Variants in TG observed in about 807,000 individuals in gnomAD.
TG encodes thyroglobulin, also known as thyroid hormones.
Under a neutral mutation model 324.7 loss-of-function variants are expected in TG, and 270 were observed. That is an observed-to-expected ratio of 0.83 (90% CI 0.75 to 0.92). The LOEUF (loss-of-function observed/expected upper bound fraction) is 0.92. TG is among the 40% of genes least tolerant of loss of function. The probability of loss-of-function intolerance (pLI) is 0.00; values close to 1 mark genes in which losing one functional copy is unlikely to be tolerated. For missense variants in TG, 3,591 were observed against 3,456.4 expected, an observed-to-expected ratio of 1.04 and a Z score of -0.98; for synonymous variants, 1,401 against 1,327.0, an observed-to-expected ratio of 1.06 and a Z score of -1.21.
rs565900008 is a variant in TG at position 132,949,300 on chromosome 8, C to T, written c.5401+357C>T. ...AGTTTCTCATCCTCCTCTGGAGGAA[C>T]GTACTCTTCTGTAGATGGCAGAAGC... On this transcript the variant is annotated intron_variant, in intron 27 of 47. Transcript: ENST00000220616. Among the ~76,000 whole-genome samples, 5 of 152,290 alleles carry T rather than the reference C, an allele frequency of 3.3e-5. No individual in the cohort carries two copies. The South Asian group carries it at 1.0e-3, about 32-fold the overall frequency.
At chr8:133,004,203 C>T (rs1483432744) in intron 35 of TG, among the ~76,000 whole-genome samples, 2 of 152,134 alleles carry the variant, frequency 1.3e-5, no homozygotes, top group Non-Finnish European at 2.9e-5. Flanking sequence ...TTAGGGCCTT[C>T]TGGTGAGCTA....
At chr8:133,004,758 A>T (rs1833876259) in intron 35 of TG, among the ~76,000 whole-genome samples, 1 of 152,050 alleles carries the variant, frequency 6.6e-6, no homozygotes, top group Admixed American at 6.5e-5. Context: ...ACCCTGGAGG[A>T]CCATAGGTGG....
At chr8:133,106,418 T>G (rs1356207694) in intron 43 of TG, 2 of 985,246 alleles carry the variant, frequency 2.0e-6, no homozygotes, top group Non-Finnish European at 2.4e-6. Context: ...AGGTCACATT[T>G]GCAAACCAGG....
intron 37 of TG, 191 bp from the exon 38 acceptor site, chr8:133,017,586 AT>A (rs529067906): frequency 1.2e-4 from 76 of 640,444 alleles, no homozygotes; most frequent in East Asian, 1.9e-4. Flanking sequence ...TGTTTTTGCC[AT>A]TTTTTTTGTT....
At chr8:133,098,987 C>T (rs1437854961) in intron 43 of TG, among the ~76,000 whole-genome samples, 1 of 152,206 alleles carries the variant, frequency 6.6e-6, no homozygotes, top group Non-Finnish European at 1.5e-5. Context: ...GGACTGGGAT[C>T]TCTACTCAAG....
In TG at chr8:133,017,947, G is replaced by C. The variant is rs1835192647; in HGVS notation, c.6732G>C (p.Gln2244His). ...CGCCCCTGGCAGAGAGGCGCTTCCA[G>C]GCACCAGAGCCCTTGAACTGGACAG... ...AAPPLAERRFQAPEPLNWTGS... is the reference protein window; with the variant it reads ...AAPPLAERRFHAPEPLNWTGS... The change falls in exon 38 of 48, where the codon CAG (glutamine) becomes CAC (histidine). Residue 2244 changes from glutamine to histidine, a missense_variant. Physicochemically the swap from Gln to His is conservative, Grantham distance 24. Transcript: ENST00000220616. The C allele has an allele frequency of 1.2e-6, 2 of 1,614,224 alleles. No individual in the cohort carries two copies. The highest frequency in any genetic ancestry group is 1.1e-5 in the South Asian group (1 of 91,084).
At chr8:133,001,735 A>G (rs1057322195) in intron 35 of TG, 1 of 985,340 alleles carries the variant, frequency 1.0e-6, no homozygotes, top group African/African-American at 1.7e-5. Context: ...ACAGGCCTCC[A>G]AGGCAGCTTC....
intron 18 of TG, among the ~76,000 whole-genome samples, chr8:132,910,547 A>G (rs1819366732): frequency 6.6e-6 from 1 of 152,046 alleles, no homozygotes; most frequent in Non-Finnish European, 1.5e-5. Flanking sequence ...GTGTTAGGTC[A>G]TGAGGGTGCA....
intron 20 of TG, among the ~76,000 whole-genome samples, chr8:132,917,890 T>A (rs1013498052): frequency 1.6e-3 from 13 of 7,906 alleles, no homozygotes; most frequent in African/African-American, 5.8e-3. Context: ...GTTTTTGCAA[T>A]TTTTTTTTTT....
rs16904797 is a variant in TG, at chr8:132,964,821, A to G, written c.5549-1739A>G. On this transcript the variant is annotated intron_variant, in intron 29 of 47. Transcript: ENST00000220616. ...GCATGACAGTGTGGCAAGGGATGCA[A>G]TGTGGACAGGTGTCGGTTGCAGTGA... 5,876 of 692,020 alleles carry G rather than the reference A, an allele frequency of 8.5e-3. 203 individuals are homozygous for G. The highest frequency in any genetic ancestry group is 0.081 in the African/African-American group (4,604 of 56,756). The allele number at this position is 692,020 out of a possible 1,614,324, so 42.9% of individuals were successfully genotyped here.
intron 41 of TG, chr8:133,060,033 C>A: frequency 6.8e-7 from 1 of 1,477,782 alleles, no homozygotes; most frequent in Non-Finnish European, 9.0e-7. Context: ...CATCCACCAC[C>A]GCCCAGTCTT....
At chr8:133,119,226 C>T (rs542728903) in intron 45 of TG, among the ~76,000 whole-genome samples, 6 of 152,166 alleles carry the variant, frequency 3.9e-5, no homozygotes, top group Non-Finnish European at 8.8e-5. Flanking sequence ...CTCATTTCCC[C>T]GGAGCACCCA....
intron 45 of TG, among the ~76,000 whole-genome samples, chr8:133,125,329 G>A (rs996750618): frequency 5.9e-5 from 9 of 152,322 alleles, no homozygotes; most frequent in East Asian, 1.9e-4. Flanking sequence ...GCCATGGTCA[G>A]TAATAAGAAA....
At position 132,886,333 on chromosome 8, in the gene TG, T is replaced by C. The variant is rs1169571719; in HGVS notation, c.1076-115T>C. The C allele has an allele frequency of 2.9e-6, 4 of 1,402,760 alleles. No individual in the cohort carries two copies. In the Admixed American group the frequency reaches 5.1e-5, roughly 18 times the overall value. 86.9% of individuals were successfully genotyped at this position (1,402,760 alleles called of 1,614,324 possible). ...ACAGAGAAGAAAGTGGTTTCAAACGTAGGTGTCCTTGATTGAATGTTCTGG... is the reference window on the plus strand; with the variant it reads ...ACAGAGAAGAAAGTGGTTTCAAACGCAGGTGTCCTTGATTGAATGTTCTGG... On this transcript the variant is annotated intron_variant, in intron 8 of 47. Transcript: ENST00000220616.
chr8:133,062,829 A>G (rs906566053), intron 41 of TG, among the ~76,000 whole-genome samples: 3 of 150,856 alleles, frequency 2.0e-5, no homozygotes, highest in African/African-American at 7.3e-5. Context: ...GGAAGCACAC[A>G]TGTGACACGC....
intron 32 of TG, among the ~76,000 whole-genome samples, chr8:132,971,034 T>C (rs1829435071): frequency 6.6e-6 from 1 of 151,780 alleles, no homozygotes; most frequent in Non-Finnish European, 1.5e-5. Flanking sequence ...AGGGGCTAAG[T>C]GTTTGAGAAA....
intron 35 of TG, among the ~76,000 whole-genome samples, chr8:133,003,533 C>T (rs1330959230): frequency 6.6e-6 from 1 of 151,886 alleles, no homozygotes; most frequent in Non-Finnish European, 1.5e-5. Flanking sequence ...TCCTCTGCAT[C>T]ATATACATAT....
At chr8:133,012,210 C>T (rs996122376) in intron 36 of TG, among the ~76,000 whole-genome samples, 175 bp downstream of exon 36, 2 of 152,156 alleles carry the variant, frequency 1.3e-5, no homozygotes, top group Non-Finnish European at 2.9e-5. Context: ...CCCCACAGGG[C>T]AGCCAAGGTG....
intron 20 of TG, among the ~76,000 whole-genome samples, chr8:132,914,015 A>G (rs889518260): frequency 6.6e-6 from 1 of 152,178 alleles, no homozygotes; most frequent in Admixed American, 6.5e-5. Context: ...CAAACCAGCA[A>G]CATTTCAGCT....
Sources: gnomAD v4.1 joint callset for allele counts (sites outside exome capture counted in the v4.1 genomes callset) on GRCh38, gnomAD v4.1.1 for gene constraint, MANE v1.5 for transcripts, NCBI Gene and HGNC (gene_info 2026-07-23, HGNC 2026-07-21) for gene names.